The following HSD17B12 variants were observed in gnomAD, a reference collection of about 807,000 sequenced individuals.
HSD17B12 encodes the protein very-long-chain 3-oxoacyl-CoA reductase.
Under a neutral mutation model 39.3 loss-of-function variants are expected in HSD17B12, and 32 were observed. The observed-to-expected ratio is 0.81, with a 90% CI of 0.61 to 1.09. The LOEUF (loss-of-function observed/expected upper bound fraction) is 1.09, where lower values mean the gene tolerates loss of function less well. Ranked by LOEUF, HSD17B12 falls within the 50% of genes least tolerant of loss-of-function variation. The pLI is 0.00. For missense variants in HSD17B12, 342 were observed against 382.9 expected, an observed-to-expected ratio of 0.89 and a Z score of 0.89; for synonymous variants, 150 against 146.7, an observed-to-expected ratio of 1.02 and a Z score of -0.16.
intron 1 of HSD17B12, among the ~76,000 whole-genome samples, chr11:43,712,977 A>G (rs141489328): frequency 1.4e-4 from 21 of 152,346 alleles, no homozygotes; most frequent in Admixed American, 2.0e-4. Flanking sequence ...CACTGTTTTC[A>G]TTACTGCAGG....
chr11:43,640,102 A>C, the HSD17B12 span, among the ~76,000 whole-genome samples: 3 of 152,062 alleles, frequency 2.0e-5, 1 homozygote, highest in Non-Finnish European at 4.4e-5. Context: ...TGGGGAGAAG[A>C]ATGTTAGGCA....
At chr11:43,712,055 C>T (rs1412392440) in intron 1 of HSD17B12, among the ~76,000 whole-genome samples, 2 of 152,174 alleles carry the variant, frequency 1.3e-5, no homozygotes, top group Non-Finnish European at 2.9e-5. Context: ...AACATCAACA[C>T]AGACCTTAAG....
chr11:43,771,980 T>C (rs1188454879), intron 3 of HSD17B12, among the ~76,000 whole-genome samples: 1 of 152,054 alleles, frequency 6.6e-6, no homozygotes, highest in African/African-American at 2.4e-5. Flanking sequence ...ATCTAACTAT[T>C]TTCATTTATT....
the HSD17B12 span, among the ~76,000 whole-genome samples, chr11:43,604,596 G>A: frequency 6.6e-6 from 1 of 152,122 alleles, no homozygotes; most frequent in Non-Finnish European, 1.5e-5. Context: ...AATAGTTAAA[G>A]CTAAGGTTTC....
chr11:43,742,596 T>C (rs1309994935), intron 1 of HSD17B12, among the ~76,000 whole-genome samples: 1 of 152,218 alleles, frequency 6.6e-6, no homozygotes, highest in African/African-American at 2.4e-5. Flanking sequence ...TTACCCATCA[T>C]GTAACTTGTA....
the HSD17B12 span, among the ~76,000 whole-genome samples, chr11:43,669,879 A>G: frequency 3.9e-5 from 6 of 152,212 alleles, no homozygotes; most frequent in South Asian, 4.1e-4. Flanking sequence ...GGACTTTAAC[A>G]TATCTTTTAG....
At position 43,798,402 on chromosome 11, in the gene HSD17B12, G is replaced by A; in HGVS notation, c.366G>A (p.Leu122=). The A allele has an allele frequency of 6.2e-7, 1 of 1,611,148 alleles. No homozygotes were observed. Among genetic ancestry groups the A allele is most frequent in the South Asian group, 1.1e-5 (1 of 90,920 alleles). ...EDIYDKIKTG[L]AGLEIGILVN... ...TTTATGATAAAATTAAAACAGGCTT[G>A]GCTGGTCTTGAAATCGGCATCTTAG... The change falls in exon 4 of 11, where the codon TTG becomes TTA. Residue 122 remains leucine (L), a synonymous_variant. Transcript: ENST00000278353.
chr11:43,759,717 G>A lies in HSD17B12; in HGVS notation c.283+5596G>A, dbSNP rs181758468. ...ACAGTCCTTTCTTCCTTCTCTTTTC[G>A]TTTCATTTCTTTTCTTTTTTTCTTT... On this transcript the variant is annotated intron_variant, in intron 3 of 10. Coordinates refer to ENST00000278353, the MANE Select transcript of HSD17B12 (RefSeq NM_016142.3). 1.9e-3 allele frequency among the ~76,000 whole-genome samples: 287 copies of A among 151,618 alleles called. 2 individuals carry two copies. The highest frequency in any genetic ancestry group is 6.4e-3 in the African/African-American group (265 of 41,328).
chr11:43,590,043 A>G, the HSD17B12 span, among the ~76,000 whole-genome samples: 1 of 152,218 alleles, frequency 6.6e-6, no homozygotes, highest in Non-Finnish European at 1.5e-5. Flanking sequence ...TATTTAGACA[A>G]GTTCCTGCAG....
At chr11:43,817,731 T>C (rs1444255730) in intron 6 of HSD17B12, among the ~76,000 whole-genome samples, 1 of 152,180 alleles carries the variant, frequency 6.6e-6, no homozygotes, top group East Asian at 1.9e-4. Flanking sequence ...TCCCATGCTG[T>C]TTGGTGACTA....
At chr11:43,572,130 G>A in the HSD17B12 span, among the ~76,000 whole-genome samples, 1 of 152,150 alleles carries the variant, frequency 6.6e-6, no homozygotes, top group Non-Finnish European at 1.5e-5. Flanking sequence ...CATCTCAGGG[G>A]CATCCTCGGT....
chr11:43,734,016 G>A, intron 1 of HSD17B12: 1 of 737,520 alleles, frequency 1.4e-6, no homozygotes, highest in Admixed American at 1.9e-5. Context: ...TTTATAGATT[G>A]TCAATATCAC....
the HSD17B12 span, among the ~76,000 whole-genome samples, chr11:43,658,520 G>T: frequency 2.2e-4 from 34 of 152,138 alleles, no homozygotes; most frequent in African/African-American, 7.9e-4. Context: ...CCATCTTTGT[G>T]GTTTTATCTA....
intron 9 of HSD17B12, among the ~76,000 whole-genome samples, chr11:43,845,038 G>A (rs1951461945): frequency 6.6e-6 from 1 of 152,170 alleles, no homozygotes; most frequent in South Asian, 2.1e-4. Context: ...CTGTCACCCA[G>A]GCTGGAGTGT....
At chr11:43,634,556 C>A in the HSD17B12 span, among the ~76,000 whole-genome samples, 1 of 152,194 alleles carries the variant, frequency 6.6e-6, no homozygotes, top group African/African-American at 2.4e-5. Context: ...AAAACAACCC[C>A]ATTTTAAACT....
the HSD17B12 span, chr11:43,644,245 C>A: frequency 1.3e-5 from 2 of 152,256 alleles, no homozygotes; most frequent in South Asian, 2.1e-4. Context: ...TGCTTTCTTG[C>A]CGTGATGGCC....
intron 1 of HSD17B12, among the ~76,000 whole-genome samples, chr11:43,741,004 C>T (rs1024786669): frequency 6.6e-5 from 10 of 152,062 alleles, no homozygotes; most frequent in Non-Finnish European, 1.3e-4. Context: ...GTGAATGCTT[C>T]GTTTTTTTCA....
the HSD17B12 span, among the ~76,000 whole-genome samples, chr11:43,665,931 G>A: frequency 2.6e-4 from 39 of 152,298 alleles, no homozygotes; most frequent in African/African-American, 8.7e-4. Flanking sequence ...GTCAACCCAC[G>A]GAGTAGACAA....
At chr11:43,620,573 T>C in the HSD17B12 span, among the ~76,000 whole-genome samples, 1 of 152,210 alleles carries the variant, frequency 6.6e-6, no homozygotes, top group Non-Finnish European at 1.5e-5. Flanking sequence ...GTCATGGTCA[T>C]GGAAAATTAC....
Sources: gnomAD v4.1 joint callset for allele counts (sites outside exome capture counted in the v4.1 genomes callset) on GRCh38, gnomAD v4.1.1 for gene constraint, MANE v1.5 for transcripts, NCBI Gene and HGNC (gene_info 2026-07-23, HGNC 2026-07-21) for gene names.